ZCCHC14: variants seen among roughly 807,000 people sequenced by gnomAD.
ZCCHC14 encodes the protein zinc finger CCHC domain-containing protein 14.
ZCCHC14 carries 16 observed loss-of-function variants against 85.0 expected under a neutral mutation model. The observed-to-expected ratio is 0.19, with a 90% CI of 0.13 to 0.29. The LOEUF (loss-of-function observed/expected upper bound fraction) is 0.29. ZCCHC14 is among the 10% of genes least tolerant of loss of function. The pLI is 1.00. For missense variants in ZCCHC14, 1,303 were observed against 1,443.5 expected, an observed-to-expected ratio of 0.90 and a Z score of 1.58; for synonymous variants, 775 against 630.7, an observed-to-expected ratio of 1.23 and a Z score of -3.43.
chr16:87,471,768 A>C (rs1050615866), intron 1 of ZCCHC14: 1 of 152,232 alleles, frequency 6.6e-6, no homozygotes, highest in African/African-American at 2.4e-5. Flanking sequence ...GAGGCTAAAG[A>C]CATACTTCCT....
At position 87,409,716 on chromosome 16, in the gene ZCCHC14, T is replaced by C. The variant is rs1240599909; in HGVS notation, c.*564A>G. The C allele has an allele frequency of 6.5e-6, 1 of 152,702 alleles. No homozygotes were observed. The highest frequency in any genetic ancestry group is 2.4e-5 in the African/African-American group (1 of 41,474). The allele number at this position is 152,702 out of a possible 1,614,324, so 9.5% of individuals were successfully genotyped here. On this transcript the variant is annotated 3_prime_UTR_variant, in exon 13 of 13. Transcript: ENST00000671377. The stretch of plus-strand genomic sequence containing the variant: ...TATGGATTATTGGAGTCTCTTGCAC[T>C]GACTGTTCTCAGAGGAGTTTGGCTC...
At chr16:87,467,073 C>G (rs1911557783) in intron 1 of ZCCHC14, 2 of 397,560 alleles carry the variant, frequency 5.0e-6, no homozygotes, top group Non-Finnish European at 8.9e-6. Flanking sequence ...ACTAAAGAGA[C>G]AGGGTCCCGC....
rs771488807 is a variant in ZCCHC14, at chr16:87,420,587, G to A, written c.950+20C>T. The A allele has an allele frequency of 5.0e-5, 80 of 1,600,628 alleles. No individual in the cohort carries two copies. Among genetic ancestry groups the A allele is most frequent in the Non-Finnish European group, 6.7e-5 (79 of 1,171,542 alleles). ...TCCTTGCCAGCTGTGGACGCGCCGG[G>A]TGCCTGGTAAGGGCCTCACCTCAGG... On this transcript the variant is annotated intron_variant, in intron 5 of 12. Coordinates refer to ENST00000671377, the MANE Select transcript of ZCCHC14 (RefSeq NM_015144.3). The surrounding 1 kb of genome is among the most constrained non-coding windows in gnomAD (Gnocchi z 5.0).
rs770500748 is a variant in ZCCHC14 at position 87,413,227 on chromosome 16, A to G, written c.1604-32T>C. 2.7e-6 allele frequency: 4 copies of G among 1,494,510 alleles called. No homozygotes were observed. In the South Asian group the frequency reaches 4.0e-5, roughly 15 times the overall value. The allele number at this position is 1,494,510 out of a possible 1,614,324, so 92.6% of individuals were successfully genotyped here. A position where few individuals can be genotyped will look rare whatever the true frequency, so the allele number is the denominator to read the frequency against. ...AAAAGGGACAGAGGAGCAGCCATCA[A>G]CTAGCGCCCCTGCAGGCTCAGCCCG... On this transcript the variant is annotated intron_variant, in intron 10 of 12. Coordinates refer to ENST00000671377, the MANE Select transcript of ZCCHC14 (RefSeq NM_015144.3).
chr16:87,471,802 G>T (rs1911784523), intron 1 of ZCCHC14: 1 of 152,362 alleles, frequency 6.6e-6, no homozygotes. Context: ...CATAAAACAG[G>T]GTTCAAAGGG....
intron 9 of ZCCHC14, among the ~76,000 whole-genome samples, chr16:87,414,803 A>C (rs1908695042): frequency 6.6e-6 from 1 of 152,264 alleles, no homozygotes; most frequent in Admixed American, 6.5e-5. Context: ...TGACTAGGCC[A>C]GGCGCGGTGG....
At chr16:87,422,596 C>T (rs535286230) in intron 4 of ZCCHC14, among the ~76,000 whole-genome samples, 57 of 151,176 alleles carry the variant, frequency 3.8e-4, no homozygotes, top group Middle Eastern at 6.8e-3. Flanking sequence ...GAGAGCTGGG[C>T]GTGGTGGTGT....
At chr16:87,441,469 A>T (rs752892682) in intron 2 of ZCCHC14, among the ~76,000 whole-genome samples, 1 of 151,930 alleles carries the variant, frequency 6.6e-6, no homozygotes, top group African/African-American at 2.4e-5. Context: ...TCTCCCATTC[A>T]TATTTATTGT....
At chr16:87,467,614 A>G (rs111314755) in intron 1 of ZCCHC14, 1 of 1,181,860 alleles carries the variant, frequency 8.5e-7, no homozygotes, top group Non-Finnish European at 1.3e-6. Context: ...GGAGATGACA[A>G]CTTGACTTCC....
chr16:87,481,527 G>A (rs1334197474), intron 1 of ZCCHC14, among the ~76,000 whole-genome samples: 1 of 12,340 alleles, frequency 8.1e-5, no homozygotes, highest in East Asian at 4.4e-3. Context: ...GGAGAGAAAC[G>A]GGGGGGGGGG....
intron 2 of ZCCHC14, among the ~76,000 whole-genome samples, chr16:87,453,858 C>G (rs140057937): frequency 2.0e-5 from 3 of 152,212 alleles, no homozygotes; most frequent in East Asian, 1.9e-4. Flanking sequence ...AATGCTGGAA[C>G]TGGCAGACCA....
chr16:87,446,439 G>A (rs1013839153), intron 2 of ZCCHC14, among the ~76,000 whole-genome samples: 1 of 151,152 alleles, frequency 6.6e-6, no homozygotes, highest in African/African-American at 2.4e-5. Flanking sequence ...AGCTGAGATT[G>A]CGCCACCGCA....
At chr16:87,443,022 A>G (rs1910261005) in intron 2 of ZCCHC14, among the ~76,000 whole-genome samples, 1 of 152,246 alleles carries the variant, frequency 6.6e-6, no homozygotes, top group African/African-American at 2.4e-5. Context: ...CGGGAAGCAA[A>G]CTTGGACCAT....
Position 87,419,774 on chromosome 16 carries a change from C to G in ZCCHC14, c.1045+9G>C. ...TTAATTTATATTTAACCATATTTTACAAACTCACTTGGACTCTGAAGCTGC... is the reference window on the plus strand; with the variant it reads ...TTAATTTATATTTAACCATATTTTAGAAACTCACTTGGACTCTGAAGCTGC... On this transcript the variant is annotated intron_variant, in intron 6 of 12. Transcript: ENST00000671377. 6.4e-7 allele frequency: 1 copy of G among 1,552,540 alleles called. No homozygotes were observed.
At chr16:87,434,054 C>A (rs1238227280) in intron 2 of ZCCHC14, among the ~76,000 whole-genome samples, 1 of 152,088 alleles carries the variant, frequency 6.6e-6, no homozygotes, top group African/African-American at 2.4e-5. Flanking sequence ...GGAGCAGAGC[C>A]GGGCTGCAGT....
intron 2 of ZCCHC14, among the ~76,000 whole-genome samples, chr16:87,444,867 G>C (rs1337370475): frequency 1.3e-5 from 2 of 152,170 alleles, no homozygotes; most frequent in Non-Finnish European, 2.9e-5. Flanking sequence ...ATGGGAGTAA[G>C]CCTGAGAATT....
chr16:87,430,423 G>A (rs182283507), intron 3 of ZCCHC14, among the ~76,000 whole-genome samples: 5 of 152,204 alleles, frequency 3.3e-5, no homozygotes, highest in East Asian at 3.9e-4. Context: ...CCTGCTGTTC[G>A]AGAAGGCTTG....
chr16:87,471,782 C>G (rs2150768886), intron 1 of ZCCHC14: 1 of 152,362 alleles, frequency 6.6e-6, no homozygotes, highest in South Asian at 2.1e-4. Flanking sequence ...ACTTCCTAGT[C>G]CTGTAATCCC....
chr16:87,441,096 C>T (rs1188889577), intron 2 of ZCCHC14, among the ~76,000 whole-genome samples: 1 of 151,860 alleles, frequency 6.6e-6, no homozygotes, highest in African/African-American at 2.4e-5. Flanking sequence ...CTCCGCCTCC[C>T]GGGTTCACGC....
Sources: gnomAD v4.1 joint callset for allele counts (sites outside exome capture counted in the v4.1 genomes callset) on GRCh38, gnomAD v4.1.1 for gene constraint, Gnocchi (gnomAD v3.1) non-coding constraint, MANE v1.5 for transcripts, NCBI Gene and HGNC (gene_info 2026-07-23, HGNC 2026-07-21) for gene names.